MGMT: variants seen among roughly 807,000 people sequenced by gnomAD.
The protein encoded by MGMT is O-6-methylguanine-DNA methyltransferase.
MGMT carries 14 observed loss-of-function variants against 15.9 expected under a neutral mutation model. The ratio of observed to expected loss-of-function variants is 0.88; its 90% CI spans 0.58 to 1.37. The LOEUF is 1.37. Ranked by LOEUF, MGMT falls within the 40% of genes most tolerant of loss-of-function variation. The pLI is 0.00. For missense variants in MGMT, 282 were observed against 268.1 expected (o/e 1.05, Z -0.36); for synonymous variants, 130 against 118.2 (o/e 1.10, Z -0.65).
Position 129,551,866 on chromosome 10 carries a change from G to A in MGMT, c.125+15489G>A, listed in dbSNP as rs574338467. Reference sequence around the variant, plus strand: ...CGCTCGCCTGGGAAGGGCACCCCTCGCTGTCCAAGAGTGACCCCAGGCCAC... The same window carrying A: ...CGCTCGCCTGGGAAGGGCACCCCTCACTGTCCAAGAGTGACCCCAGGCCAC... On this transcript the variant is annotated intron_variant, in intron 2 of 4. Coordinates refer to ENST00000651593, the MANE Select transcript of MGMT (RefSeq NM_002412.5). 1.8e-4 allele frequency among the ~76,000 whole-genome samples: 27 copies of A among 152,274 alleles called. No individual in the cohort carries two copies. The East Asian group carries it at 5.0e-3, about 28-fold the overall frequency.
chr10:129,521,000 C>T (rs1045611388), intron 1 of MGMT, among the ~76,000 whole-genome samples: 5 of 152,092 alleles, frequency 3.3e-5, no homozygotes, highest in African/African-American at 7.2e-5. Context: ...GGTGCGCGTA[C>T]GGGGCCCCTA....
chr10:129,477,717 C>T lies in MGMT; in HGVS notation c.-13+10421C>T, dbSNP rs1466010412. Among the ~76,000 whole-genome samples, 9 of 152,154 alleles carry T rather than the reference C, an allele frequency of 5.9e-5. No individual in the cohort carries two copies. In the East Asian group the frequency reaches 1.3e-3, roughly 23 times the overall value. ...GCTCTCACTTGCCAGCCTCCAGAACCGTGAGAAGATAAATGTCTGTTGGTT... is the reference window on the plus strand; with the variant it reads ...GCTCTCACTTGCCAGCCTCCAGAACTGTGAGAAGATAAATGTCTGTTGGTT... On this transcript the variant is annotated intron_variant, in intron 1 of 4. Transcript: ENST00000651593.
chr10:129,702,799 C>G (rs897164708), intron 2 of MGMT, among the ~76,000 whole-genome samples: 2 of 152,182 alleles, frequency 1.3e-5, no homozygotes, highest in Non-Finnish European at 2.9e-5. Flanking sequence ...TTGCAGGGCC[C>G]CTGGGGAAGA....
chr10:129,738,246 TA>T (rs1176669309), intron 3 of MGMT, among the ~76,000 whole-genome samples: 1 of 152,152 alleles, frequency 6.6e-6, no homozygotes, highest in African/African-American at 2.4e-5. Context: ...GTGCGGGATA[TA>T]ATCTCCTGGT....
intron 2 of MGMT, among the ~76,000 whole-genome samples, chr10:129,561,947 A>T (rs933737757): frequency 5.9e-5 from 9 of 152,206 alleles, no homozygotes; most frequent in Admixed American, 3.9e-4. Flanking sequence ...AGAGTTAGGA[A>T]CACTTGTAAT....
At chr10:129,635,424 A>G (rs1163422278) in intron 2 of MGMT, among the ~76,000 whole-genome samples, 1 of 152,218 alleles carries the variant, frequency 6.6e-6, no homozygotes, top group Non-Finnish European at 1.5e-5. Flanking sequence ...CTCTCAGGGC[A>G]GTCGCAGCCT....
At chr10:129,514,745 G>A (rs990642564) in intron 1 of MGMT, among the ~76,000 whole-genome samples, 4 of 152,196 alleles carry the variant, frequency 2.6e-5, no homozygotes, top group African/African-American at 4.8e-5. Flanking sequence ...CGCCATCTGC[G>A]AGGAAGTGGG....
intron 4 of MGMT, among the ~76,000 whole-genome samples, chr10:129,765,936 C>T (rs908848960): frequency 6.6e-6 from 1 of 152,310 alleles, no homozygotes. Context: ...CCATGGAGCT[C>T]CTCCTGTCTA....
rs1848985211 is a variant in MGMT, at chr10:129,770,172, T to C, written c.*3175T>C. On this transcript the variant is annotated 3_prime_UTR_variant, in exon 5 of 5. Transcript: ENST00000651593. Reference sequence around the variant, plus strand: ...AGGGGCCAAGCAAGTCCAATATAGATAGGTTTATACTGAAGCCATCAGTTT... The same window carrying C: ...AGGGGCCAAGCAAGTCCAATATAGACAGGTTTATACTGAAGCCATCAGTTT... 1.3e-5 allele frequency among the ~76,000 whole-genome samples: 2 copies of C among 152,180 alleles called. No individual in the cohort carries two copies. Among genetic ancestry groups the C allele is most frequent in the Admixed American group, 6.5e-5 (1 of 15,282 alleles).
chr10:129,703,656 G>A (rs1451816095), intron 2 of MGMT, among the ~76,000 whole-genome samples: 3 of 151,712 alleles, frequency 2.0e-5, no homozygotes, highest in Non-Finnish European at 1.5e-5. Flanking sequence ...CAGCCCCTGT[G>A]CTCCACTCCA....
At chr10:129,625,319 T>A (rs1847134089) in intron 2 of MGMT, among the ~76,000 whole-genome samples, 4 of 152,236 alleles carry the variant, frequency 2.6e-5, no homozygotes, top group Admixed American at 2.6e-4. Flanking sequence ...ATATTAGCCC[T>A]TTCAAGGAAT....
intron 2 of MGMT, among the ~76,000 whole-genome samples, chr10:129,648,782 A>C (rs1048361878): frequency 6.6e-6 from 1 of 152,210 alleles, no homozygotes; most frequent in Admixed American, 6.5e-5. Flanking sequence ...AAAGAAGTTG[A>C]ATAATGTTCA....
At chr10:129,516,442 G>A (rs555138034) in intron 1 of MGMT, among the ~76,000 whole-genome samples, 1 of 152,266 alleles carries the variant, frequency 6.6e-6, no homozygotes, top group African/African-American at 2.4e-5. Flanking sequence ...AGGGATACAG[G>A]TGTGTCCCTC....
intron 2 of MGMT, among the ~76,000 whole-genome samples, chr10:129,599,685 G>A (rs1476096143): frequency 6.6e-6 from 1 of 152,122 alleles, no homozygotes; most frequent in East Asian, 1.9e-4. Context: ...TTTCACACAC[G>A]ATTCACTGAG....
intron 2 of MGMT, among the ~76,000 whole-genome samples, chr10:129,583,060 C>T (rs1216867614): frequency 6.6e-6 from 1 of 152,146 alleles, no homozygotes; most frequent in East Asian, 1.9e-4. Context: ...AATCTTATAT[C>T]TTTCTGATAG....
chr10:129,672,722 C>T (rs1009995164), intron 2 of MGMT, among the ~76,000 whole-genome samples: 12 of 152,072 alleles, frequency 7.9e-5, no homozygotes, highest in African/African-American at 2.4e-4. Flanking sequence ...GAGATCTTAG[C>T]TTTTTTCCTG....
chr10:129,759,453 C>T, intron 4 of MGMT, 112 bp downstream of exon 4: 7 of 1,505,092 alleles, frequency 4.7e-6, no homozygotes, highest in Non-Finnish European at 6.4e-6. Context: ...CTGGGGTGGG[C>T]AGAGGGGCGA....
At chr10:129,514,696 G>GA (rs760352804) in intron 1 of MGMT, among the ~76,000 whole-genome samples, 4 of 152,176 alleles carry the variant, frequency 2.6e-5, no homozygotes, top group Non-Finnish European at 5.9e-5. Context: ...AGACTCCAAA[G>GA]AGGTAGAGCC....
chr10:129,743,643 C>T (rs903249750), intron 3 of MGMT, among the ~76,000 whole-genome samples: 1 of 152,200 alleles, frequency 6.6e-6, no homozygotes, highest in Admixed American at 6.5e-5. Context: ...ACTCCTGGAC[C>T]TTTGGGGAGA....
Sources: allele counts gnomAD v4.1 joint callset (sites outside exome capture counted in the v4.1 genomes callset), GRCh38; gene constraint gnomAD v4.1.1; transcripts MANE v1.5; gene names NCBI Gene and HGNC (gene_info 2026-07-23, HGNC 2026-07-21).